PRKG1: variants seen among roughly 807,000 people sequenced by gnomAD.
PRKG1 encodes cGMP-dependent protein kinase 1.
PRKG1 carries 35 observed loss-of-function variants against 88.1 expected under a neutral mutation model. That is an observed-to-expected ratio of 0.40 (90% CI 0.30 to 0.53). The LOEUF is 0.53. PRKG1 is among the 20% of genes least tolerant of loss of function. The pLI, the probability that PRKG1 is intolerant of heterozygous loss-of-function variation, is 0.59. For synonymous variants in PRKG1, 303 were observed against 292.5 expected (o/e 1.04, Z -0.37); for missense variants, 540 against 839.8 (o/e 0.64, Z 4.41).
At chr10:51,952,979 G>T (rs980933535) in intron 5 of PRKG1, among the ~76,000 whole-genome samples, 19 of 152,258 alleles carry the variant, frequency 1.2e-4, no homozygotes, top group African/African-American at 4.1e-4. Context: ...TGCTGCAGAG[G>T]CATATTTCCT....
intron 2 of PRKG1, among the ~76,000 whole-genome samples, chr10:51,444,033 T>C (rs1839198998): frequency 6.6e-6 from 1 of 151,622 alleles, no homozygotes; most frequent in African/African-American, 2.4e-5. Flanking sequence ...GAACACAAAG[T>C]GTCTTTAGGG....
Position 51,581,786 on chromosome 10 carries a change from C to T in PRKG1, c.592+113950C>T, listed in dbSNP as rs140917948. 5.3e-4 allele frequency among the ~76,000 whole-genome samples: 80 copies of T among 149,640 alleles called. 1 individual carries two copies. Among genetic ancestry groups the T allele is most frequent in the African/African-American group, 2.0e-3 (79 of 39,698 alleles). ...CTACAAGTATTACATACTCTACCTA[C>T]ACAATCCTGCATGCAATTTTATATT... On this transcript the variant is annotated intron_variant, in intron 3 of 17. Coordinates refer to ENST00000373980, the MANE Select transcript of PRKG1 (RefSeq NM_006258.4).
intron 7 of PRKG1, among the ~76,000 whole-genome samples, chr10:52,089,134 A>G (rs990053425): frequency 2.0e-5 from 3 of 152,198 alleles, no homozygotes; most frequent in Admixed American, 6.5e-5. Flanking sequence ...CCATTTAATT[A>G]AGTAGGATCG....
chr10:51,213,351 G>A (rs191210535), intron 2 of PRKG1, among the ~76,000 whole-genome samples: 1 of 152,138 alleles, frequency 6.6e-6, no homozygotes, highest in East Asian at 1.9e-4. Flanking sequence ...AGCATTAGGA[G>A]ATATACCTAA....
At chr10:51,399,109 T>C (rs1287042003) in intron 2 of PRKG1, among the ~76,000 whole-genome samples, 1 of 151,954 alleles carries the variant, frequency 6.6e-6, no homozygotes, top group African/African-American at 2.4e-5. Flanking sequence ...TATTTATGTA[T>C]GTATAAATAA....
chr10:51,715,420 A>C (rs1423563069), intron 3 of PRKG1, among the ~76,000 whole-genome samples: 1 of 152,124 alleles, frequency 6.6e-6, no homozygotes, highest in Non-Finnish European at 1.5e-5. Flanking sequence ...AGAGCCCTGG[A>C]ATCTGCATTT....
At chr10:51,307,127 TAC>T (rs1173133277) in intron 2 of PRKG1, among the ~76,000 whole-genome samples, 1 of 152,090 alleles carries the variant, frequency 6.6e-6, no homozygotes, top group Non-Finnish European at 1.5e-5. Flanking sequence ...TGCATTATTA[TAC>T]AGTGTTAATA....
intron 3 of PRKG1, among the ~76,000 whole-genome samples, chr10:51,758,284 TA>T (rs1177838778): frequency 5.9e-5 from 9 of 152,208 alleles, no homozygotes; most frequent in African/African-American, 1.7e-4. Context: ...TATAAATCTT[TA>T]AAAAAATATA....
chr10:51,950,836 C>G (rs1456715623), intron 5 of PRKG1, among the ~76,000 whole-genome samples: 1 of 152,194 alleles, frequency 6.6e-6, no homozygotes, highest in African/African-American at 2.4e-5. Context: ...TGTCCAGCAT[C>G]CAAGAAGAAT....
chr10:52,118,471 C>T (rs1051660473), intron 7 of PRKG1, among the ~76,000 whole-genome samples: 11 of 151,736 alleles, frequency 7.2e-5, no homozygotes, highest in African/African-American at 2.7e-4. Context: ...TATATATATA[C>T]AATATTTTAA....
chr10:51,308,979 C>T (rs1841111043), intron 2 of PRKG1, among the ~76,000 whole-genome samples: 1 of 152,072 alleles, frequency 6.6e-6, no homozygotes, highest in Admixed American at 6.6e-5. Context: ...GTGGGACCAA[C>T]TGCTGCTGCC....
At chr10:51,977,593 A>AT (rs1450244161) in intron 5 of PRKG1, among the ~76,000 whole-genome samples, 1 of 152,122 alleles carries the variant, frequency 6.6e-6, no homozygotes, top group African/African-American at 2.4e-5. Flanking sequence ...CCAACAGTGT[A>AT]TAAGTATTCC....
intron 1 of PRKG1, among the ~76,000 whole-genome samples, chr10:51,078,120 T>C (rs1028590077): frequency 1.8e-4 from 27 of 152,316 alleles, no homozygotes; most frequent in African/African-American, 6.3e-4. Context: ...GTCATTTCAG[T>C]TGGATTATAT....
chr10:51,288,245 G>C (rs201273154), intron 2 of PRKG1, among the ~76,000 whole-genome samples: 1 of 151,962 alleles, frequency 6.6e-6, no homozygotes, highest in African/African-American at 2.4e-5. Context: ...TGCTTTTCGG[G>C]AGTCACATGG....
chr10:52,285,368 TC>T (rs1842095404), intron 14 of PRKG1, among the ~76,000 whole-genome samples: 1 of 152,078 alleles, frequency 6.6e-6, no homozygotes, highest in South Asian at 2.1e-4. Flanking sequence ...CAGTAGCTAC[TC>T]AGTAAATAAT....
intron 17 of PRKG1, 94 bp from the exon 18 acceptor site, chr10:52,293,708 C>A (rs959212530): frequency 1.0e-6 from 1 of 959,120 alleles, no homozygotes; most frequent in Admixed American, 1.9e-5. Context: ...GAAATAGTCA[C>A]TAATAGGGAA....
intron 3 of PRKG1, among the ~76,000 whole-genome samples, chr10:51,591,853 G>A (rs935011767): frequency 3.9e-5 from 6 of 152,130 alleles, no homozygotes; most frequent in Admixed American, 2.0e-4. Context: ...CTGGAAAATT[G>A]TATTAGATTG....
At chr10:51,552,837 C>T (rs1221993173) in intron 3 of PRKG1, among the ~76,000 whole-genome samples, 1 of 151,542 alleles carries the variant, frequency 6.6e-6, no homozygotes, top group Admixed American at 6.6e-5. Context: ...TTTTTACTGG[C>T]AGAAATCTAA....
At chr10:51,323,793 A>G (rs1345844744) in intron 2 of PRKG1, among the ~76,000 whole-genome samples, 1 of 152,118 alleles carries the variant, frequency 6.6e-6, no homozygotes, top group Non-Finnish European at 1.5e-5. Flanking sequence ...TTACAAAGAA[A>G]ATTGTTTTAG....
Sources: allele counts gnomAD v4.1 joint callset (sites outside exome capture counted in the v4.1 genomes callset), GRCh38; gene constraint gnomAD v4.1.1; transcripts MANE v1.5; gene names NCBI Gene and HGNC (gene_info 2026-07-23, HGNC 2026-07-21).